TLE2: variants seen among roughly 807,000 people sequenced by gnomAD.
TLE2 encodes transducin-like enhancer protein 2.
Under a neutral mutation model 97.2 loss-of-function variants are expected in TLE2, and 74 were observed. The observed-to-expected ratio is 0.76, with a 90% CI of 0.63 to 0.92. The LOEUF is 0.92. TLE2 is among the 40% of genes least tolerant of loss of function. The pLI is 0.00. For synonymous variants in TLE2, 499 were observed against 432.1 expected (o/e 1.15, Z -1.92); for missense variants, 1,038 against 1,008.7 (o/e 1.03, Z -0.39).
chr19:2,999,542 A>G (rs4257327), intron 19 of TLE2, among the ~76,000 whole-genome samples: 3 of 151,608 alleles, frequency 2.0e-5, no homozygotes, highest in Non-Finnish European at 4.4e-5. Context: ...CCTGGCTAAC[A>G]CGGTGAAACC....
At chr19:3,038,275 A>T (rs1472791778) in intron 1 of TLE2, among the ~76,000 whole-genome samples, 1 of 152,168 alleles carries the variant, frequency 6.6e-6, no homozygotes, top group Non-Finnish European at 1.5e-5. Flanking sequence ...TGCCACCGTC[A>T]TAGCTCACTG....
chr19:3,035,532 C>CG (rs1243609709), intron 1 of TLE2, among the ~76,000 whole-genome samples: 2 of 148,210 alleles, frequency 1.3e-5, no homozygotes. Context: ...TGTGGGTTTA[C>CG]GGAAAAAAAA....
intron 1 of TLE2, among the ~76,000 whole-genome samples, chr19:3,038,638 T>C (rs1001393850): frequency 3.9e-5 from 6 of 152,280 alleles, no homozygotes; most frequent in African/African-American, 1.4e-4. Flanking sequence ...CTGGGCGTGG[T>C]GGCTCACGCC....
intron 17 of TLE2, among the ~76,000 whole-genome samples, chr19:3,004,738 A>C (rs993847292): frequency 6.6e-6 from 1 of 152,038 alleles, no homozygotes; most frequent in South Asian, 2.1e-4. Context: ...TACAGAAAGA[A>C]GAGAAAGGCA....
upstream of TLE2, chr19:3,047,450 C>G (rs1364243245): frequency 6.7e-6 from 1 of 149,514 alleles, no homozygotes; most frequent in Admixed American, 6.6e-5. Context: ...CAGGCCGTGG[C>G]TGAGTAGGCA....
At chr19:3,027,055 G>A in intron 4 of TLE2, among the ~76,000 whole-genome samples, 1 of 151,986 alleles carries the variant, frequency 6.6e-6, no homozygotes, top group Non-Finnish European at 1.5e-5. Flanking sequence ...GAAAACTGAG[G>A]TCAATCTCAG....
chr19:3,010,806 G>A (rs1040600192), intron 12 of TLE2, among the ~76,000 whole-genome samples: 6 of 151,984 alleles, frequency 3.9e-5, no homozygotes, highest in Non-Finnish European at 5.9e-5. Flanking sequence ...CGACTAAGCC[G>A]CTTCCACTCT....
At chr19:3,002,263 A>C in intron 18 of TLE2, 90 bp downstream of exon 18, 1 of 1,403,566 alleles carries the variant, frequency 7.1e-7, no homozygotes, top group Non-Finnish European at 9.5e-7. Context: ...AAATAACATT[A>C]TTTGTTATTT....
chr19:3,012,610 A>C (rs1170893353), intron 11 of TLE2, among the ~76,000 whole-genome samples: 1 of 152,168 alleles, frequency 6.6e-6, no homozygotes, highest in African/African-American at 2.4e-5. Context: ...AGGTGAAGGA[A>C]GAGTGCCTAG....
Position 3,027,905 on chromosome 19 carries a change from G to C in TLE2, c.187-32C>G, listed in dbSNP as rs576931422. On this transcript the variant is annotated intron_variant, in intron 3 of 19. Coordinates refer to ENST00000262953, the MANE Select transcript of TLE2 (RefSeq NM_003260.5). The stretch of plus-strand genomic sequence containing the variant: ...AGGAAAAACCAAGTAAGAACGTCTA[G>C]GGTGGAGATGGGTGCCCTCCTCCAG... 18 of 1,591,138 alleles carry C rather than the reference G, an allele frequency of 1.1e-5. No homozygotes were observed. In the African/African-American group the frequency reaches 2.1e-4, roughly 19 times the overall value.
At chr19:3,024,894 T>C (rs2089913130) in intron 5 of TLE2, 126 bp downstream of exon 5, 1 of 784,542 alleles carries the variant, frequency 1.3e-6, no homozygotes, top group African/African-American at 1.7e-5. Context: ...GCAGTGAAAA[T>C]GGTCTCTATC....
At chr19:3,028,635 A>G (rs2089987085) in intron 2 of TLE2, 71 bp downstream of exon 2, 2 of 1,549,884 alleles carry the variant, frequency 1.3e-6, no homozygotes, top group East Asian at 2.3e-5. Flanking sequence ...TCCCCGCCCT[A>G]TACCCCGGAG....
chr19:3,013,471 T>C (rs2089638072), intron 11 of TLE2, among the ~76,000 whole-genome samples, 198 bp downstream of exon 11: 1 of 152,060 alleles, frequency 6.6e-6, no homozygotes, highest in Non-Finnish European at 1.5e-5. Context: ...CTTTACAAAG[T>C]TGCCTTTTAA....
Position 3,011,115 on chromosome 19 carries a change from A to T in TLE2, c.919T>A (p.Ser307Thr). 6.2e-7 allele frequency: 1 copy of T among 1,609,504 alleles called. No homozygotes were observed. The highest frequency in any genetic ancestry group is 8.5e-7 in the Non-Finnish European group (1 of 1,178,458). ...STPASKSCDS[S>T]PPQDASTPGP... is the part of the protein sequence containing the mutation. ...GGGGTGGAAGCGTCCTGGGGCGGGG[A>T]GGAGTCACAGGATTTGGAGGCAGGA... The change falls in exon 12 of 20, where the codon TCC (serine) becomes ACC (threonine). Residue 307 changes from serine to threonine, a missense_variant. By Grantham distance (58) the Ser-to-Thr change is moderately conservative (BLOSUM62 1). Coordinates refer to ENST00000262953, the MANE Select transcript of TLE2 (RefSeq NM_003260.5).
chr19:3,045,870 A>G (rs978645000), upstream of TLE2: 1 of 337,194 alleles, frequency 3.0e-6, no homozygotes, highest in Non-Finnish European at 6.1e-6. Context: ...AATTTCCTGC[A>G]TTTGAATCCA....
intron 18 of TLE2, among the ~76,000 whole-genome samples, chr19:3,000,970 G>A (rs575455762): frequency 6.6e-6 from 1 of 151,482 alleles, no homozygotes; most frequent in East Asian, 2.0e-4. Context: ...GCACCACCAC[G>A]CCCAGCTAAT....
intron 19 of TLE2, among the ~76,000 whole-genome samples, chr19:2,998,236 A>AGTGTGTGTGTGTGT (rs1568227253): frequency 4.7e-5 from 4 of 85,136 alleles, no homozygotes; most frequent in African/African-American, 1.7e-4. Flanking sequence ...ACGCCCGGCC[A>AGTGTGTGTGTGTGT]ATGTGTGTGT....
In TLE2 at chr19:3,011,174, G is replaced by A. The variant is rs369999752; in HGVS notation, c.874-14C>T. 23 of 1,575,328 alleles carry A rather than the reference G, an allele frequency of 1.5e-5. No individual in the cohort carries two copies. The highest frequency in any genetic ancestry group is 4.7e-5 in the South Asian group (4 of 84,586). On this transcript the variant is annotated splice_polypyrimidine_tract_variant and intron_variant, in intron 11 of 19. Coordinates refer to ENST00000262953, the MANE Select transcript of TLE2 (RefSeq NM_003260.5). ...GGGAAGGTCATTCTGCAGAGAAAGG[G>A]CAGGACTGAAGGCCACCAGGCACCT...
chr19:3,017,111 T>C (rs1165211782), intron 8 of TLE2, among the ~76,000 whole-genome samples: 5 of 145,976 alleles, frequency 3.4e-5, no homozygotes, highest in Non-Finnish European at 6.0e-5. Flanking sequence ...AACCGGGCTA[T>C]GGATCTTGTT....
Sources: allele counts gnomAD v4.1 joint callset (sites outside exome capture counted in the v4.1 genomes callset), GRCh38; gene constraint gnomAD v4.1.1; transcripts MANE v1.5; gene names NCBI Gene and HGNC (gene_info 2026-07-23, HGNC 2026-07-21).